The following PDE4D variants were observed in gnomAD, a reference collection of about 807,000 sequenced individuals.
PDE4D encodes the protein phosphodiesterase 4D, also known as 3',5'-cyclic-AMP phosphodiesterase 4D.
A neutral mutation model predicts 87.4 loss-of-function variants in PDE4D; 24 were observed. The observed-to-expected ratio is 0.27, with a 90% CI of 0.20 to 0.39. PDE4D has a LOEUF of 0.39. Ranked by LOEUF, PDE4D falls within the 10% of genes least tolerant of loss-of-function variation. PDE4D has a pLI of 1.00. For synonymous variants in PDE4D, 384 were observed against 383.2 expected (o/e 1.00, Z -0.02); for missense variants, 714 against 1,041.0 (o/e 0.69, Z 4.32).
chr5:60,357,426 T>C (rs145626137), intron 1 of PDE4D, among the ~76,000 whole-genome samples: 1 of 152,368 alleles, frequency 6.6e-6, no homozygotes, highest in Non-Finnish European at 1.5e-5. Context: ...ACATCTGTTA[T>C]GAATAAACCA....
At chr5:59,250,313 C>CAA (rs10717217) in intron 1 of PDE4D, among the ~76,000 whole-genome samples, 3 of 138,050 alleles carry the variant, frequency 2.2e-5, no homozygotes, top group African/African-American at 5.3e-5. Flanking sequence ...ACTGTCTCTA[C>CAA]AAAAAAAAAA....
At chr5:59,750,669 C>T (rs1436066309) in intron 1 of PDE4D, among the ~76,000 whole-genome samples, 1 of 152,106 alleles carries the variant, frequency 6.6e-6, no homozygotes, top group African/African-American at 2.4e-5. Flanking sequence ...GATGCAGTGG[C>T]TCATGCCTAT....
intron 1 of PDE4D, among the ~76,000 whole-genome samples, chr5:59,491,658 A>G (rs569927410): frequency 1.3e-5 from 2 of 152,320 alleles, no homozygotes; most frequent in African/African-American, 4.8e-5. Context: ...CATACTTTCA[A>G]TGTCACTATT....
At chr5:59,761,231 C>A (rs1444107827) in intron 1 of PDE4D, among the ~76,000 whole-genome samples, 1 of 152,174 alleles carries the variant, frequency 6.6e-6, no homozygotes, top group Non-Finnish European at 1.5e-5. Flanking sequence ...ACCACGAATG[C>A]AGCTTACAGG....
At chr5:60,184,545 G>A (rs946572956) in intron 2 of PDE4D, among the ~76,000 whole-genome samples, 15 of 152,108 alleles carry the variant, frequency 9.9e-5, no homozygotes. Context: ...AATTTACTTG[G>A]TTGGTTATTA....
chr5:60,038,646 G>A (rs1435362560), intron 2 of PDE4D, among the ~76,000 whole-genome samples: 2 of 151,960 alleles, frequency 1.3e-5, no homozygotes, highest in African/African-American at 4.8e-5. Context: ...AGAGTGAACA[G>A]GCAACCTACA....
chr5:59,162,336 C>T (rs1781225055), intron 5 of PDE4D, among the ~76,000 whole-genome samples: 1 of 152,096 alleles, frequency 6.6e-6, no homozygotes, highest in Non-Finnish European at 1.5e-5. Context: ...CTCTTCTTTT[C>T]ACATTTATGC....
intron 1 of PDE4D, among the ~76,000 whole-genome samples, chr5:60,193,007 G>A (rs1375695282): frequency 1.3e-5 from 2 of 152,148 alleles, no homozygotes; most frequent in African/African-American, 4.8e-5. Flanking sequence ...TTGTTTTTGG[G>A]AATCTATAGA....
chr5:59,048,694 C>T (rs1761092356), intron 5 of PDE4D, among the ~76,000 whole-genome samples: 1 of 152,150 alleles, frequency 6.6e-6, no homozygotes, highest in Non-Finnish European at 1.5e-5. Context: ...GAGGTATTCT[C>T]AGAAATAAAG....
chr5:59,458,792 C>A (rs1800303462), intron 1 of PDE4D, among the ~76,000 whole-genome samples: 1 of 152,154 alleles, frequency 6.6e-6, no homozygotes, highest in African/African-American at 2.4e-5. Context: ...AGTGTTACTA[C>A]TCTGGATCTG....
chr5:59,215,087 A>T (rs1293845239), intron 2 of PDE4D, among the ~76,000 whole-genome samples: 2 of 152,200 alleles, frequency 1.3e-5, no homozygotes, highest in African/African-American at 4.8e-5. Flanking sequence ...CCTATGTAGA[A>T]AAACATGCAC....
At chr5:60,108,092 T>C (rs1379107605) in intron 2 of PDE4D, among the ~76,000 whole-genome samples, 2 of 151,850 alleles carry the variant, frequency 1.3e-5, no homozygotes, top group East Asian at 1.9e-4. Context: ...GACGACATGA[T>C]TGTATATCTA....
At chr5:59,163,197 C>T (rs1028944010) in intron 5 of PDE4D, among the ~76,000 whole-genome samples, 33 of 151,050 alleles carry the variant, frequency 2.2e-4, no homozygotes, top group African/African-American at 2.9e-4. Flanking sequence ...CCGCCTGCCT[C>T]GGCCACCCAA....
chr5:59,554,799 G>A (rs1268699950), intron 1 of PDE4D, among the ~76,000 whole-genome samples: 6 of 152,070 alleles, frequency 3.9e-5, no homozygotes, highest in Non-Finnish European at 7.3e-5. Context: ...GGCCCTTTTC[G>A]ATGTTCCACA....
rs35979900 is a variant in PDE4D at position 59,762,854 on chromosome 5, GATATATATATATATATATATATAT to G, written c.455+130290_455+130313del. 5.8e-5 allele frequency among the ~76,000 whole-genome samples: 3 copies of G among 51,686 alleles called. 1 individual carries two copies. Among genetic ancestry groups the G allele is most frequent in the African/African-American group, 1.5e-4 (2 of 13,770 alleles). 33.9% of individuals were successfully genotyped at this position (51,686 alleles called of 152,430 possible). A position where few individuals can be genotyped will look rare whatever the true frequency, so the allele number is the denominator to read the frequency against. On this transcript the variant is annotated intron_variant, in intron 1 of 14. Coordinates refer to ENST00000340635, the MANE Select transcript of PDE4D (RefSeq NM_001104631.2). ...ACTAAAAAAGAGCAAACTGCTTAAGGATATATATATATATATATATATATATATATATATATATAGCTTGCTCTT... is the reference window on the plus strand; with the variant it reads ...ACTAAAAAAGAGCAAACTGCTTAAGGATATATATATATATAGCTTGCTCTT...
At chr5:59,155,720 G>C (rs1780077730) in intron 5 of PDE4D, among the ~76,000 whole-genome samples, 1 of 152,180 alleles carries the variant, frequency 6.6e-6, no homozygotes, top group African/African-American at 2.4e-5. Flanking sequence ...GCAAGGACTT[G>C]TGGGAGCTGG....
chr5:59,890,541 A>G (rs910336575), intron 1 of PDE4D, among the ~76,000 whole-genome samples: 1 of 152,230 alleles, frequency 6.6e-6, no homozygotes, highest in East Asian at 1.9e-4. Context: ...GATTTAAACC[A>G]TATCTCATTT....
intron 1 of PDE4D, among the ~76,000 whole-genome samples, chr5:59,445,397 T>C (rs1798204382): frequency 6.6e-6 from 1 of 152,228 alleles, no homozygotes; most frequent in African/African-American, 2.4e-5. Flanking sequence ...GTGACATATC[T>C]GAAGTTTCTG....
chr5:59,312,569 C>G (rs1772909362), intron 1 of PDE4D, among the ~76,000 whole-genome samples: 1 of 152,162 alleles, frequency 6.6e-6, no homozygotes, highest in Admixed American at 6.6e-5. Context: ...TATAGCCTTT[C>G]TGAAAAGTCT....
Sources: gnomAD v4.1 joint callset for allele counts (sites outside exome capture counted in the v4.1 genomes callset) on GRCh38, gnomAD v4.1.1 for gene constraint, MANE v1.5 for transcripts, NCBI Gene and HGNC (gene_info 2026-07-23, HGNC 2026-07-21) for gene names.